The following RALGAPA1 variants were observed in gnomAD, a reference collection of about 807,000 sequenced individuals.
The protein encoded by RALGAPA1 is Ral GTPase activating protein catalytic subunit alpha 1, also known as ral GTPase-activating protein subunit alpha-1.
In RALGAPA1, 52 loss-of-function variants were observed where a neutral mutation model predicts 269.6. The ratio of observed to expected loss-of-function variants is 0.19; its 90% CI spans 0.15 to 0.24. The LOEUF (loss-of-function observed/expected upper bound fraction) is 0.24, where lower values mean the gene tolerates loss of function less well. Ranked by LOEUF, RALGAPA1 falls within the 10% of genes least tolerant of loss-of-function variation. The probability of loss-of-function intolerance (pLI) is 1.00; values close to 1 mark genes in which losing one functional copy is unlikely to be tolerated. For missense variants in RALGAPA1, 1,917 were observed against 3,013.9 expected (o/e 0.64, Z 8.52); for synonymous variants, 817 against 1,008.3 (o/e 0.81, Z 3.60).
chr14:35,712,622 C>T (rs7145822), intron 16 of RALGAPA1, among the ~76,000 whole-genome samples: 26,128 of 152,088 alleles, frequency 0.17, 2,554 homozygotes, highest in African/African-American at 0.26. Flanking sequence ...AATCATCTCA[C>T]CTCATTCTCC....
intron 1 of RALGAPA1, 125 bp downstream of exon 1, chr14:35,808,605 C>A: frequency 1.0e-6 from 1 of 1,001,504 alleles, no homozygotes; most frequent in Non-Finnish European, 1.5e-6. Context: ...TCCCGCGTCT[C>A]CGCAGAGGCT....
intron 35 of RALGAPA1, among the ~76,000 whole-genome samples, chr14:35,621,683 G>C (rs189322300): frequency 1.3e-4 from 20 of 151,754 alleles, no homozygotes; most frequent in Admixed American, 3.3e-4. Flanking sequence ...AACAAACAAC[G>C]CCATCAAAAA....
intron 17 of RALGAPA1, among the ~76,000 whole-genome samples, chr14:35,695,985 A>G (rs1366693975): frequency 3.3e-5 from 5 of 152,212 alleles, no homozygotes; most frequent in Non-Finnish European, 2.9e-5. Context: ...AAGCCAACAT[A>G]TTGTATCAAA....
At chr14:35,607,736 G>C (rs932577709) in intron 35 of RALGAPA1, among the ~76,000 whole-genome samples, 5 of 152,202 alleles carry the variant, frequency 3.3e-5, no homozygotes, top group African/African-American at 9.7e-5. Flanking sequence ...TGAAAGGGCT[G>C]ACATTATTTG....
intron 4 of RALGAPA1, chr14:35,766,972 T>C (rs183671162): frequency 1.3e-4 from 51 of 386,406 alleles, no homozygotes; most frequent in Admixed American, 8.7e-4. Context: ...GACATGCATT[T>C]TGTGACTAGC....
chr14:35,698,080 T>C (rs2067038768), intron 17 of RALGAPA1, among the ~76,000 whole-genome samples: 1 of 152,204 alleles, frequency 6.6e-6, no homozygotes, highest in South Asian at 2.1e-4. Flanking sequence ...ATAAAGTTTG[T>C]TTTGTTTTAG....
chr14:35,635,336 A>T lies in RALGAPA1; in HGVS notation c.5811+128T>A, dbSNP rs2061601876. On this transcript the variant is annotated intron_variant, in intron 32 of 41. Coordinates refer to ENST00000680220, the MANE Select transcript of RALGAPA1 (RefSeq NM_001346249.2). ...CTTTTAAATTACCCTTAGGCACTGT[A>T]AGCTAAATATGTGTTCTTAGAAATT... is the stretch of plus-strand genomic sequence containing the variant. 5.5e-6 allele frequency: 6 copies of T among 1,098,102 alleles called. No individual in the cohort carries two copies. In the East Asian group the frequency reaches 1.7e-4, roughly 31 times the overall value. 68.0% of individuals were successfully genotyped at this position (1,098,102 alleles called of 1,614,324 possible).
intron 31 of RALGAPA1, among the ~76,000 whole-genome samples, chr14:35,650,980 G>C (rs572815812): frequency 4.7e-5 from 7 of 148,840 alleles, no homozygotes; most frequent in African/African-American, 1.8e-4. Context: ...ACTAAATTTA[G>C]TGTCAACTGA....
intron 24 of RALGAPA1, among the ~76,000 whole-genome samples, chr14:35,673,959 C>G (rs1049215517): frequency 3.9e-5 from 6 of 152,150 alleles, no homozygotes; most frequent in African/African-American, 1.4e-4. Context: ...AGACATACCT[C>G]TCTATATTCA....
chr14:35,794,093 T>C (rs1371218367), intron 1 of RALGAPA1, among the ~76,000 whole-genome samples: 2 of 152,168 alleles, frequency 1.3e-5, no homozygotes, highest in Non-Finnish European at 2.9e-5. Flanking sequence ...TTAAAGAACA[T>C]ACATTACATT....
chr14:35,720,704 A>T (rs2069327302), intron 16 of RALGAPA1, among the ~76,000 whole-genome samples: 1 of 152,190 alleles, frequency 6.6e-6, no homozygotes. Context: ...AAGTGGGAGG[A>T]CTGCTTAAGG....
chr14:35,674,547 T>C lies in RALGAPA1; in HGVS notation c.4787A>G (p.Tyr1596Cys). 6.2e-7 allele frequency: 1 copy of C among 1,609,004 alleles called. No homozygotes were observed. Among genetic ancestry groups the C allele is most frequent in the Non-Finnish European group, 8.5e-7 (1 of 1,177,994 alleles). Residue 1596 changes from tyrosine (Y) to cysteine (C), a missense_variant, in exon 23 of 42, where the codon TAC becomes TGC. By Grantham distance (194) the Tyr-to-Cys change is radical (BLOSUM62 -2). Coordinates refer to ENST00000680220, the MANE Select transcript of RALGAPA1 (RefSeq NM_001346249.2). ...TAGATTCTGCCAAAGTTCACAGAGG[T>C]AATCAAAAACTTGAGCATGTATTTC... ...DPEIHAQVFD[Y>C]LCELWQNLAK... is the part of the protein sequence containing the mutation.
intron 38 of RALGAPA1, among the ~76,000 whole-genome samples, chr14:35,571,276 T>TTGTG (rs1028450573): frequency 1.9e-4 from 29 of 152,198 alleles, no homozygotes; most frequent in African/African-American, 7.0e-4. Flanking sequence ...TTGAATAAGG[T>TTGTG]TGGCATAAAT....
intron 31 of RALGAPA1, among the ~76,000 whole-genome samples, chr14:35,650,841 T>A (rs1232859695): frequency 2.6e-5 from 4 of 152,152 alleles, no homozygotes; most frequent in Non-Finnish European, 4.4e-5. Flanking sequence ...AGCAGCCTTG[T>A]CTAACAGAAC....
chr14:35,793,555 T>C (rs2076347843), intron 1 of RALGAPA1, among the ~76,000 whole-genome samples: 1 of 151,868 alleles, frequency 6.6e-6, no homozygotes, highest in African/African-American at 2.4e-5. Flanking sequence ...ATTTCTATAA[T>C]GTGTACCTTC....
Position 35,700,156 on chromosome 14 carries a change from C to A in RALGAPA1, c.2407+6G>T, listed in dbSNP as rs889576538. The A allele has an allele frequency of 1.3e-6, 2 of 1,519,378 alleles. No homozygotes were observed. The highest frequency in any genetic ancestry group is 1.8e-6 in the Non-Finnish European group (2 of 1,142,340). 94.1% of individuals were successfully genotyped at this position (1,519,378 alleles called of 1,614,324 possible). A position where few individuals can be genotyped will look rare whatever the true frequency, so the allele number is the denominator to read the frequency against. On this transcript the variant is annotated splice_donor_region_variant and intron_variant, in intron 17 of 41. Transcript: ENST00000680220. ...GTGGTGCAGAAATTAGCAGAGGTGG[C>A]ACTACCTGAAAGCTCATCAGAAAGG...
rs74549738 is a variant in RALGAPA1 at position 35,564,920 on chromosome 14, T to C, written c.7496+5697A>G. Among the ~76,000 whole-genome samples, 1,200 of 152,280 alleles carry C rather than the reference T, an allele frequency of 7.9e-3. 8 individuals carry two copies. The highest frequency in any genetic ancestry group is 0.014 in the Middle Eastern group (4 of 294). On this transcript the variant is annotated intron_variant, in intron 39 of 41. Coordinates refer to ENST00000680220, the MANE Select transcript of RALGAPA1 (RefSeq NM_001346249.2). ...AATTTCTTCACCCTTGGAACTCTTA[T>C]AGCATTTTATCTATAACCCTACCAG...
At chr14:35,627,049 G>GAAAAAA (rs34349314) in intron 34 of RALGAPA1, 41 bp downstream of exon 34, 4 of 1,130,704 alleles carry the variant, frequency 3.5e-6, no homozygotes, top group South Asian at 2.4e-5. Flanking sequence ...GAATAAGACC[G>GAAAAAA]AAAAAAAAAA....
At chr14:35,758,469 A>G (rs1306014236) in intron 6 of RALGAPA1, among the ~76,000 whole-genome samples, 3 of 152,050 alleles carry the variant, frequency 2.0e-5, no homozygotes, top group East Asian at 1.9e-4. Flanking sequence ...TATTTTCCAC[A>G]TCTTACAGAC....
Sources: allele counts gnomAD v4.1 joint callset (sites outside exome capture counted in the v4.1 genomes callset), GRCh38; gene constraint gnomAD v4.1.1; transcripts MANE v1.5; gene names NCBI Gene and HGNC (gene_info 2026-07-23, HGNC 2026-07-21).